The following DDHD1 variants were observed in gnomAD, a reference collection of about 807,000 sequenced individuals.
DDHD1 encodes DDHD domain containing 1, also known as phospholipase DDHD1.
In DDHD1, 49 loss-of-function variants were observed where a neutral mutation model predicts 96.4. That is an observed-to-expected ratio of 0.51 (90% CI 0.40 to 0.64). The LOEUF (loss-of-function observed/expected upper bound fraction) is 0.64. Ranked by LOEUF, DDHD1 falls within the 30% of genes least tolerant of loss-of-function variation. The pLI, the probability that DDHD1 is intolerant of heterozygous loss-of-function variation, is 0.00. For synonymous variants in DDHD1, 442 were observed against 446.5 expected, an observed-to-expected ratio of 0.99 and a Z score of 0.13; for missense variants, 1,106 against 1,161.2, an observed-to-expected ratio of 0.95 and a Z score of 0.69.
At chr14:53,098,589 A>C (rs577641782) in intron 2 of DDHD1, among the ~76,000 whole-genome samples, 85 of 152,250 alleles carry the variant, frequency 5.6e-4, no homozygotes, top group African/African-American at 2.0e-3. Flanking sequence ...AGATAAATTT[A>C]TAAAAATTAA....
intron 4 of DDHD1, among the ~76,000 whole-genome samples, chr14:53,081,309 G>A (rs1388904585): frequency 6.6e-6 from 1 of 152,174 alleles, no homozygotes; most frequent in Non-Finnish European, 1.5e-5. Flanking sequence ...ACAAATATGA[G>A]TATATGCAAG....
rs1236745805 is a variant in DDHD1, at chr14:53,153,217, C to T, written c.-119G>A. On this transcript the variant is annotated 5_prime_UTR_variant, in exon 1 of 13. Transcript: ENST00000673822. ...AAGTTTCTAATCTTTCAAATCCCGA[C>T]CCGAGCTGCGGCGGCAGCGGCGACC... 5 of 948,904 alleles carry T rather than the reference C, an allele frequency of 5.3e-6. No homozygotes were observed. The highest frequency in any genetic ancestry group is 3.5e-5 in the African/African-American group (2 of 57,412). 58.8% of individuals were successfully genotyped at this position (948,904 alleles called of 1,614,324 possible).
chr14:53,054,693 C>G, intron 10 of DDHD1, 64 bp from the exon 11 acceptor site: 1 of 1,522,764 alleles, frequency 6.6e-7, no homozygotes, highest in African/African-American at 1.4e-5. Context: ...CTAAAGAGCA[C>G]CACCCATAAT....
At chr14:53,078,551 G>T (rs1747828352) in intron 4 of DDHD1, among the ~76,000 whole-genome samples, 2 of 152,100 alleles carry the variant, frequency 1.3e-5, no homozygotes, top group African/African-American at 4.8e-5. Context: ...TATGTGGTTT[G>T]CTAATATTTT....
chr14:53,060,372 A>T (rs562154866), intron 8 of DDHD1, among the ~76,000 whole-genome samples: 1 of 152,312 alleles, frequency 6.6e-6, no homozygotes, highest in East Asian at 1.9e-4. Context: ...AAAGCTTCCC[A>T]ATGCCTATAT....
chr14:53,056,907 C>T (rs1330457268), intron 9 of DDHD1, among the ~76,000 whole-genome samples: 1 of 152,158 alleles, frequency 6.6e-6, no homozygotes, highest in Non-Finnish European at 1.5e-5. Context: ...CTGAAATTCA[C>T]TTTCAAGTTA....
chr14:53,092,008 A>T, intron 3 of DDHD1, 76 bp from the exon 4 acceptor site: 2 of 1,414,308 alleles, frequency 1.4e-6, no homozygotes, highest in Non-Finnish European at 1.9e-6. Flanking sequence ...AAAAGAAAAA[A>T]AAGAAGTAAA....
intron 1 of DDHD1, among the ~76,000 whole-genome samples, chr14:53,116,421 ATTC>A (rs1888547490): frequency 2.0e-5 from 3 of 152,228 alleles, no homozygotes; most frequent in African/African-American, 7.2e-5. Context: ...CAGAATATAT[ATTC>A]TTCTCAGTGC....
At chr14:53,114,079 C>A (rs1888351200) in intron 1 of DDHD1, among the ~76,000 whole-genome samples, 1 of 152,156 alleles carries the variant, frequency 6.6e-6, no homozygotes, top group African/African-American at 2.4e-5. Flanking sequence ...GTGGTTTTCC[C>A]CTGACAGTGC....
chr14:53,062,872 GT>G (rs1883708725), intron 7 of DDHD1, 70 bp downstream of exon 7: 1 of 1,479,360 alleles, frequency 6.8e-7, no homozygotes, highest in Admixed American at 2.0e-5. Context: ...GAAATTCTTA[GT>G]TTTCTCGTAA....
At chr14:53,089,106 A>G (rs1173385468) in intron 4 of DDHD1, among the ~76,000 whole-genome samples, 1 of 152,222 alleles carries the variant, frequency 6.6e-6, no homozygotes, top group Non-Finnish European at 1.5e-5. Flanking sequence ...TCCAACTTAC[A>G]AGGGATGTGA....
chr14:53,152,938 A>C lies in DDHD1; in HGVS notation c.161T>G (p.Val54Gly). ...LPGGDPDDGD[V>G]PLALLRGEPG... ...TTCCCCGCGCAGCAGGGCCAGGGGCACGTCGCCGTCGTCCGGGTCCCCGCC... is the reference window on the plus strand; with the variant it reads ...TTCCCCGCGCAGCAGGGCCAGGGGCCCGTCGCCGTCGTCCGGGTCCCCGCC... Residue 54 changes from valine (V) to glycine (G), a missense_variant, in exon 1 of 13, where the codon GTG becomes GGG. Transcript: ENST00000673822. The C allele has an allele frequency of 1.3e-6, 2 of 1,599,470 alleles. No homozygotes were observed. The highest frequency in any genetic ancestry group is 1.7e-6 in the Non-Finnish European group (2 of 1,175,240).
chr14:53,138,300 GA>G (rs2139869136), intron 1 of DDHD1, among the ~76,000 whole-genome samples: 1 of 152,276 alleles, frequency 6.6e-6, no homozygotes, highest in South Asian at 2.1e-4. Context: ...AGCTACTTGG[GA>G]GGCTGAGGCA....
chr14:53,117,000 A>G (rs1888592943), intron 1 of DDHD1, among the ~76,000 whole-genome samples: 1 of 152,186 alleles, frequency 6.6e-6, no homozygotes, highest in Non-Finnish European at 1.5e-5. Flanking sequence ...AAGAATTAAC[A>G]AAATAGACTG....
At chr14:53,084,589 A>C (rs1356344947) in intron 4 of DDHD1, among the ~76,000 whole-genome samples, 1 of 152,248 alleles carries the variant, frequency 6.6e-6, no homozygotes. Context: ...GACATTGAAA[A>C]GGATCAAGGT....
chr14:53,146,086 A>G (rs1245864943), intron 1 of DDHD1, among the ~76,000 whole-genome samples: 1 of 151,934 alleles, frequency 6.6e-6, no homozygotes, highest in Non-Finnish European at 1.5e-5. Flanking sequence ...CATGCCTGCA[A>G]TCTCAGCTAC....
At chr14:53,117,972 G>C (rs1029953885) in intron 1 of DDHD1, among the ~76,000 whole-genome samples, 3 of 152,172 alleles carry the variant, frequency 2.0e-5, no homozygotes, top group African/African-American at 7.2e-5. Flanking sequence ...GGATCAAGCA[G>C]CAATATTTGT....
intron 6 of DDHD1, among the ~76,000 whole-genome samples, chr14:53,066,704 C>T (rs1023005091): frequency 4.6e-5 from 7 of 152,128 alleles, no homozygotes; most frequent in South Asian, 2.1e-4. Context: ...CAGTGGCTCA[C>T]GCCTGTAATC....
intron 2 of DDHD1, chr14:53,093,808 A>C (rs1365656965): frequency 1.1e-5 from 2 of 180,518 alleles, no homozygotes; most frequent in Non-Finnish European, 2.3e-5. Context: ...TCAAGCCCTC[A>C]ATAGCTTTGA....
Sources: allele counts gnomAD v4.1 joint callset (sites outside exome capture counted in the v4.1 genomes callset), GRCh38; gene constraint gnomAD v4.1.1; transcripts MANE v1.5; gene names NCBI Gene and HGNC (gene_info 2026-07-23, HGNC 2026-07-21).